Variants in ST3GAL1 observed in about 807,000 individuals in gnomAD.
ST3GAL1 encodes CMP-N-acetylneuraminate-beta-galactosamide-alpha-2,3-sialyltransferase 1.
In ST3GAL1, 16 loss-of-function variants were observed where a neutral mutation model predicts 34.1. The observed-to-expected ratio is 0.47, with a 90% CI of 0.32 to 0.71. ST3GAL1 has a LOEUF of 0.71. Ranked by LOEUF, ST3GAL1 falls within the 30% of genes least tolerant of loss-of-function variation. The pLI is 0.04. For missense variants in ST3GAL1, 353 were observed against 447.4 expected (o/e 0.79, Z 1.90); for synonymous variants, 191 against 184.7 (o/e 1.03, Z -0.28).
At chr8:133,475,260 G>A (rs915544766) in intron 5 of ST3GAL1, among the ~76,000 whole-genome samples, 1 of 152,238 alleles carries the variant, frequency 6.6e-6, no homozygotes. Flanking sequence ...CAGCTGGCAG[G>A]AGCCAGGAGC....
chr8:133,565,382 G>A (rs2131117086), intron 1 of ST3GAL1, among the ~76,000 whole-genome samples: 1 of 152,278 alleles, frequency 6.6e-6, no homozygotes, highest in African/African-American at 2.4e-5. Context: ...AGTTGAGGAG[G>A]GGGCCTTGTG....
In ST3GAL1 at chr8:133,504,113, G is replaced by A. The variant is rs117845428; in HGVS notation, c.-428-4924C>T. Reference sequence around the variant, plus strand: ...CACTGAAGCCCAGCATGGAAGGTGGGGAGGGAGGGCATCTGGAGAGTCTGA... The same window carrying A: ...CACTGAAGCCCAGCATGGAAGGTGGAGAGGGAGGGCATCTGGAGAGTCTGA... On this transcript the variant is annotated intron_variant, in intron 2 of 9. Transcript: ENST00000522652. Among the ~76,000 whole-genome samples the A allele has an allele frequency of 5.2e-3, 785 of 152,252 alleles. 2 individuals are homozygous for A. The highest frequency in any genetic ancestry group is 8.9e-3 in the Non-Finnish European group (603 of 68,024).
chr8:133,557,434 T>C (rs1819077355), intron 1 of ST3GAL1, among the ~76,000 whole-genome samples: 1 of 152,132 alleles, frequency 6.6e-6, no homozygotes, highest in South Asian at 2.1e-4. Flanking sequence ...GATGAGAGGA[T>C]AACTGAGTGG....
chr8:133,475,129 T>C (rs1816120013), intron 5 of ST3GAL1, among the ~76,000 whole-genome samples: 1 of 152,164 alleles, frequency 6.6e-6, no homozygotes, highest in Non-Finnish European at 1.5e-5. Flanking sequence ...ACAGGTGTCC[T>C]CATAAGAAAA....
At chr8:133,523,903 A>G (rs540011099) in intron 2 of ST3GAL1, among the ~76,000 whole-genome samples, 2 of 152,334 alleles carry the variant, frequency 1.3e-5, no homozygotes, top group East Asian at 1.9e-4. Flanking sequence ...AACCATAATC[A>G]TAAGAGCTTT....
rs117953374 is a variant in ST3GAL1, at chr8:133,534,043, G to A, written c.-429+11731C>T. Among the ~76,000 whole-genome samples, 83 of 152,240 alleles carry A rather than the reference G, an allele frequency of 5.5e-4. 1 individual carries two copies. In the East Asian group the frequency reaches 0.013, roughly 24 times the overall value. Reference sequence around the variant, plus strand: ...ACCTCTCCTCCACCAAAGTACTGGGGATTCAATGGGGAAAAAAACGGGCCC... The same window carrying A: ...ACCTCTCCTCCACCAAAGTACTGGGAATTCAATGGGGAAAAAAACGGGCCC... On this transcript the variant is annotated intron_variant, in intron 2 of 9. Transcript: ENST00000522652.
chr8:133,463,393 G>A, intron 8 of ST3GAL1, 21 bp downstream of exon 8: 1 of 1,613,712 alleles, frequency 6.2e-7, no homozygotes, highest in African/African-American at 1.3e-5. Flanking sequence ...TTAGAACAGA[G>A]GGGCCGGGGC....
At chr8:133,558,204 C>T (rs1819114191) in intron 1 of ST3GAL1, among the ~76,000 whole-genome samples, 1 of 152,232 alleles carries the variant, frequency 6.6e-6, no homozygotes, top group African/African-American at 2.4e-5. Context: ...GTGAAAAATG[C>T]AGCTCAAGGA....
intron 3 of ST3GAL1, among the ~76,000 whole-genome samples, chr8:133,480,570 C>A (rs1816343002): frequency 6.6e-6 from 1 of 152,162 alleles, no homozygotes; most frequent in African/African-American, 2.4e-5. Flanking sequence ...TACAGAGTGG[C>A]CACAACTTTC....
chr8:133,559,584 T>C (rs183226534), intron 1 of ST3GAL1, among the ~76,000 whole-genome samples: 3 of 152,350 alleles, frequency 2.0e-5, no homozygotes, highest in East Asian at 1.9e-4. Flanking sequence ...GCAGCTAACA[T>C]GTTTCCTGAG....
intron 3 of ST3GAL1, among the ~76,000 whole-genome samples, chr8:133,484,876 G>C (rs1453125975): frequency 6.6e-6 from 1 of 152,174 alleles, no homozygotes; most frequent in Non-Finnish European, 1.5e-5. Flanking sequence ...CTTTGCTGAT[G>C]TCCTTAACCC....
intron 2 of ST3GAL1, among the ~76,000 whole-genome samples, chr8:133,506,872 A>G (rs28392475): frequency 0.028 from 4,186 of 151,858 alleles, 85 homozygotes; most frequent in Middle Eastern, 0.061. Flanking sequence ...GGTGGATCAC[A>G]AGGTCAGGAG....
chr8:133,555,946 T>A (rs138000012), intron 1 of ST3GAL1, among the ~76,000 whole-genome samples: 138 of 152,262 alleles, frequency 9.1e-4, no homozygotes, highest in African/African-American at 3.2e-3. Context: ...CAGGCTGGAG[T>A]GGAGTGGCAC....
intron 3 of ST3GAL1, among the ~76,000 whole-genome samples, chr8:133,481,544 G>A (rs1816391257): frequency 6.6e-6 from 1 of 152,158 alleles, no homozygotes; most frequent in Non-Finnish European, 1.5e-5. Context: ...CGCCCAGGCT[G>A]GAGTGCAGTG....
At chr8:133,500,466 C>T (rs920028996) in intron 2 of ST3GAL1, among the ~76,000 whole-genome samples, 2 of 152,138 alleles carry the variant, frequency 1.3e-5, no homozygotes, top group Admixed American at 1.3e-4. Context: ...GCGTCCTTTT[C>T]CCCAACACTG....
intron 1 of ST3GAL1, among the ~76,000 whole-genome samples, chr8:133,559,653 TAAG>T (rs1258509346): frequency 6.6e-6 from 1 of 152,234 alleles, no homozygotes; most frequent in African/African-American, 2.4e-5. Context: ...TGTTTTCAAG[TAAG>T]AAGAAGAACA....
At chr8:133,489,371 C>G (rs1252887972) in intron 3 of ST3GAL1, among the ~76,000 whole-genome samples, 1 of 152,116 alleles carries the variant, frequency 6.6e-6, no homozygotes, top group African/African-American at 2.4e-5. Flanking sequence ...AGCCATGCCT[C>G]CCGCCCCTCC....
chr8:133,482,422 G>A (rs532547994), intron 3 of ST3GAL1, among the ~76,000 whole-genome samples: 1 of 152,186 alleles, frequency 6.6e-6, no homozygotes, highest in Non-Finnish European at 1.5e-5. Context: ...GGCCCCAGAG[G>A]TGCCGAGGCA....
Position 133,524,952 on chromosome 8 carries a change from C to T in ST3GAL1, c.-429+20822G>A, listed in dbSNP as rs189066113. Among the ~76,000 whole-genome samples, 579 of 152,378 alleles carry T rather than the reference C, an allele frequency of 3.8e-3. 2 individuals are homozygous for T. The highest frequency in any genetic ancestry group is 0.012 in the African/African-American group (485 of 41,588). On this transcript the variant is annotated intron_variant, in intron 2 of 9. Transcript: ENST00000522652. ...GAGCCCCTAGATCTGGGCTTCCCAA[C>T]GGGCCACAGCTCTTCTCTCCTTCTT...
Sources: allele counts gnomAD v4.1 joint callset (sites outside exome capture counted in the v4.1 genomes callset), GRCh38; gene constraint gnomAD v4.1.1; transcripts MANE v1.5; gene names NCBI Gene and HGNC (gene_info 2026-07-23, HGNC 2026-07-21).